Variants in SDK1 observed in about 807,000 individuals in gnomAD.
SDK1 encodes the protein protein sidekick-1.
SDK1 carries 157 observed loss-of-function variants against 245.5 expected under a neutral mutation model. The observed-to-expected ratio is 0.64, with a 90% CI of 0.56 to 0.73. The LOEUF (loss-of-function observed/expected upper bound fraction) is 0.73. Among genes scored for constraint, SDK1 ranks in the 30% least tolerant of loss-of-function variants. SDK1 has a pLI of 0.00. For missense variants in SDK1, 3,583 were observed against 3,002.3 expected (o/e 1.19, Z -4.52); for synonymous variants, 1,647 against 1,278.5 (o/e 1.29, Z -6.15).
intron 1 of SDK1, among the ~76,000 whole-genome samples, chr7:3,487,665 G>A (rs1233673604): frequency 6.8e-6 from 1 of 148,114 alleles, no homozygotes; most frequent in Non-Finnish European, 1.5e-5. Context: ...TGAGGTGGGA[G>A]GATCAGTTGA....
chr7:3,466,239 G>A (rs1780997621), intron 1 of SDK1, among the ~76,000 whole-genome samples: 1 of 151,680 alleles, frequency 6.6e-6, no homozygotes, highest in Non-Finnish European at 1.5e-5. Flanking sequence ...CAGATTTTCA[G>A]CTTTATATGC....
At chr7:4,168,989 C>T (rs1346337332) in intron 32 of SDK1, among the ~76,000 whole-genome samples, 1 of 152,202 alleles carries the variant, frequency 6.6e-6, no homozygotes, top group Non-Finnish European at 1.5e-5. Flanking sequence ...GACCAGGAGC[C>T]TTGGGCAAAA....
At chr7:3,977,853 T>C (rs1028612006) in intron 13 of SDK1, among the ~76,000 whole-genome samples, 2 of 152,254 alleles carry the variant, frequency 1.3e-5, no homozygotes. Context: ...GGTTGGTTGC[T>C]GCCTGCGTGC....
intron 5 of SDK1, among the ~76,000 whole-genome samples, chr7:3,943,407 G>A (rs1043900404): frequency 0.032 from 35 of 1,094 alleles, no homozygotes; most frequent in Admixed American, 0.068. Flanking sequence ...CTCCTCCTCC[G>A]TCCTCCCCAT....
chr7:4,190,231 A>T (rs1241270159), intron 35 of SDK1, among the ~76,000 whole-genome samples: 5 of 152,092 alleles, frequency 3.3e-5, no homozygotes, highest in African/African-American at 1.2e-4. Flanking sequence ...TTAACATATC[A>T]CGCGATAATG....
At chr7:3,608,840 G>C (rs1429252719) in intron 1 of SDK1, among the ~76,000 whole-genome samples, 1 of 152,196 alleles carries the variant, frequency 6.6e-6, no homozygotes, top group African/African-American at 2.4e-5. Context: ...TTTTACTAAA[G>C]TATTAACAAA....
At chr7:3,950,887 A>G in intron 5 of SDK1, 36 bp from the exon 6 acceptor site, 1 of 1,544,632 alleles carries the variant, frequency 6.5e-7, no homozygotes, top group Non-Finnish European at 8.9e-7. Flanking sequence ...TCCTGTACTT[A>G]GAGTTTCATG....
intron 17 of SDK1, among the ~76,000 whole-genome samples, chr7:4,032,839 C>T (rs888960204): frequency 3.9e-5 from 6 of 152,162 alleles, no homozygotes; most frequent in Admixed American, 6.5e-5. Context: ...TGTAAACAAA[C>T]GGACCGTGTT....
chr7:3,808,473 G>A (rs1177028979), intron 4 of SDK1, among the ~76,000 whole-genome samples: 2 of 152,160 alleles, frequency 1.3e-5, no homozygotes, highest in Non-Finnish European at 2.9e-5. Context: ...TTGCTTACTG[G>A]CAACTTCTGA....
Position 4,029,228 on chromosome 7 carries a change from T to TTTTTTTTTTTTG in SDK1, c.2602+11877_2602+11878insTTTTTTTTTTGT, listed in dbSNP as rs746967075. Among the ~76,000 whole-genome samples, 492 of 112,012 alleles carry TTTTTTTTTTTTG rather than the reference T, an allele frequency of 4.4e-3. 97 individuals are homozygous for TTTTTTTTTTTTG. Among genetic ancestry groups the TTTTTTTTTTTTG allele is most frequent in the African/African-American group, 0.023 (461 of 20,042 alleles). 73.5% of individuals were successfully genotyped at this position (112,012 alleles called of 152,430 possible). A position where few individuals can be genotyped will look rare whatever the true frequency, so the allele number is the denominator to read the frequency against. ...TTTTATTCTTTCTTTTTTTTTTTTT[T>TTTTTTTTTTTTG]TGTGAAGAAGTCTCACTCTGTCATC... On this transcript the variant is annotated intron_variant, in intron 17 of 44. Transcript: ENST00000404826.
intron 17 of SDK1, among the ~76,000 whole-genome samples, chr7:4,036,904 C>A (rs967848312): frequency 7.2e-5 from 11 of 152,124 alleles, no homozygotes; most frequent in Non-Finnish European, 1.3e-4. Context: ...GTTATAGCAG[C>A]CTGAACTAAG....
In SDK1 at chr7:4,110,717, G is replaced by T; in HGVS notation, c.3379G>T (p.Glu1127Ter). 1 of 1,614,090 alleles carries T rather than the reference G, an allele frequency of 6.2e-7. No homozygotes were observed. Among genetic ancestry groups the T allele is most frequent in the Non-Finnish European group, 8.5e-7 (1 of 1,179,982 alleles). ...EWVTLYEEENEPDAQMLEIPN... is the reference protein window; with the variant it reads ...EWVTLYEEEN ...GGTCACCCTCTATGAAGAGGAGAAT[G>T]AGCCTGATGCCCAGATGCTGGAGAT... Residue 1127 changes from glutamate (E) to a stop codon, truncating the protein, a stop_gained, in exon 23 of 45, where the codon GAG (glutamate) becomes TAG (stop). Transcript: ENST00000404826. LOFTEE classifies it high-confidence loss of function.
At chr7:4,264,342 C>G (rs559630704) in intron 44 of SDK1, among the ~76,000 whole-genome samples, 28 of 149,944 alleles carry the variant, frequency 1.9e-4, no homozygotes, top group African/African-American at 6.9e-4. Flanking sequence ...GTAGATCTCT[C>G]CTGAGTGAGG....
chr7:3,484,043 C>G (rs192225939), intron 1 of SDK1, among the ~76,000 whole-genome samples: 2 of 152,220 alleles, frequency 1.3e-5, no homozygotes, highest in East Asian at 3.9e-4. Context: ...AAACATTTAT[C>G]ATTTCTGTGT....
At chr7:3,679,533 C>T (rs1176196761) in intron 4 of SDK1, among the ~76,000 whole-genome samples, 2 of 151,796 alleles carry the variant, frequency 1.3e-5, no homozygotes, top group African/African-American at 4.8e-5. Context: ...TGCCACTGCA[C>T]TCCAGCCTGG....
intron 43 of SDK1, among the ~76,000 whole-genome samples, chr7:4,242,722 A>C (rs1286967519): frequency 6.6e-6 from 1 of 152,212 alleles, no homozygotes; most frequent in African/African-American, 2.4e-5. Flanking sequence ...ACTCAGCTGC[A>C]AGGGTGTGGA....
At chr7:3,468,668 C>T (rs571403275) in intron 1 of SDK1, among the ~76,000 whole-genome samples, 1 of 152,236 alleles carries the variant, frequency 6.6e-6, no homozygotes, top group South Asian at 2.1e-4. Flanking sequence ...CCAGAGAGGC[C>T]AGGAAGAATC....
At chr7:4,190,673 A>C (rs920047133) in intron 35 of SDK1, among the ~76,000 whole-genome samples, 1 of 152,224 alleles carries the variant, frequency 6.6e-6, no homozygotes, top group South Asian at 2.1e-4. Context: ...CTGCTGACTG[A>C]CTGGGAGCTT....
intron 1 of SDK1, among the ~76,000 whole-genome samples, chr7:3,509,143 C>G (rs1264239152): frequency 6.6e-6 from 1 of 151,956 alleles, no homozygotes; most frequent in East Asian, 1.9e-4. Flanking sequence ...AGACATCCAT[C>G]CATCTTAAGG....
Sources: gnomAD v4.1 joint callset for allele counts (sites outside exome capture counted in the v4.1 genomes callset) on GRCh38, gnomAD v4.1.1 for gene constraint, MANE v1.5 for transcripts, NCBI Gene and HGNC (gene_info 2026-07-23, HGNC 2026-07-21) for gene names.